The following SLC6A7 variants were observed in gnomAD, a reference collection of about 807,000 sequenced individuals.
The protein encoded by SLC6A7 is solute carrier family 6 member 7.
Under a neutral mutation model 73.1 loss-of-function variants are expected in SLC6A7, and 58 were observed. That is an observed-to-expected ratio of 0.79 (90% CI 0.64 to 0.99). The LOEUF (loss-of-function observed/expected upper bound fraction) is 0.99, where lower values mean the gene tolerates loss of function less well. SLC6A7 is among the 50% of genes least tolerant of loss of function. SLC6A7 has a pLI of 0.00. For missense variants in SLC6A7, 783 were observed against 831.4 expected (o/e 0.94, Z 0.72); for synonymous variants, 338 against 338.7 (o/e 1.00, Z 0.02).
Position 150,205,306 on chromosome 5 carries a change from G to A in SLC6A7, c.1534-150G>A. ...TAAACCCTCAAAGGCTCCAAAGATG[G>A]CCCACTTCAGGGTTCGGTACAGCTT... On this transcript the variant is annotated intron_variant, in intron 12 of 13. Transcript: ENST00000230671. The A allele has an allele frequency of 8.2e-6, 5 of 607,236 alleles. No homozygotes were observed. The East Asian group carries it at 1.2e-4, about 14-fold the overall frequency. The allele number at this position is 607,236 out of a possible 1,614,324, so 37.6% of individuals were successfully genotyped here. A position where few individuals can be genotyped will look rare whatever the true frequency, so the allele number is the denominator to read the frequency against.
At chr5:150,200,976 C>A in intron 5 of SLC6A7, 113 bp from the exon 6 acceptor site, 2 of 1,106,392 alleles carry the variant, frequency 1.8e-6, no homozygotes, top group Non-Finnish European at 1.3e-6. Flanking sequence ...AAGGCCGGTT[C>A]CTGGCTTGGG....
intron 5 of SLC6A7, among the ~76,000 whole-genome samples, chr5:150,200,755 G>A (rs1167094279): frequency 9.9e-5 from 15 of 152,176 alleles, no homozygotes; most frequent in Admixed American, 9.8e-4. Context: ...AAGAAGGAAA[G>A]AGGGAGGAGT....
At chr5:150,201,838 G>A (rs768052486) in intron 6 of SLC6A7, among the ~76,000 whole-genome samples, 14 of 152,148 alleles carry the variant, frequency 9.2e-5, no homozygotes, top group Non-Finnish European at 1.6e-4. Context: ...TTACATGCAT[G>A]TGTGTAGTGA....
rs1474371369 is a variant in SLC6A7, at chr5:150,201,194, C to G, written c.829C>G (p.Pro277Ala). The G allele has an allele frequency of 6.2e-7, 1 of 1,613,094 alleles. No individual in the cohort carries two copies. Among genetic ancestry groups the G allele is most frequent in the East Asian group, 2.2e-5 (1 of 44,804 alleles). The change falls in exon 6 of 14, where the codon CCC (proline) becomes GCC (alanine). Residue 277 changes from proline to alanine, a missense_variant. Transcript: ENST00000230671. ...GAAGGGCATCCAGTTCTATCTCACC[C>G]CCCAGTTCCACCACTTGTTGTCTTC... is the stretch of plus-strand genomic sequence containing the variant. ...AWKGIQFYLT[P>A]QFHHLLSSKV...
At chr5:150,204,392 GC>G in intron 10 of SLC6A7, 139 bp from the exon 11 acceptor site, 1 of 725,746 alleles carries the variant, frequency 1.4e-6, no homozygotes, top group East Asian at 2.5e-5. Flanking sequence ...GCCTAGAAGG[GC>G]TGGGCTGGCA....
intron 1 of SLC6A7, among the ~76,000 whole-genome samples, chr5:150,194,398 C>T (rs1241638088): frequency 1.3e-5 from 2 of 150,404 alleles, no homozygotes; most frequent in Admixed American, 6.6e-5. Flanking sequence ...CACTGCACTC[C>T]AGGCTGGGCA....
At chr5:150,203,809 CGTGTGTGTGTGGTGTGTGTGTGT>C in intron 9 of SLC6A7, 30 bp downstream of exon 9, 1 of 1,468,382 alleles carries the variant, frequency 6.8e-7, no homozygotes, top group Non-Finnish European at 9.4e-7. Flanking sequence ...GCAGGCACCC[CGTGTGTGTGTGGTGTGTGTGTGT>C]GTGTGTGTGT....
At chr5:150,206,956 G>C (rs376012673) in intron 13 of SLC6A7, among the ~76,000 whole-genome samples, 1 of 152,178 alleles carries the variant, frequency 6.6e-6, no homozygotes, top group Non-Finnish European at 1.5e-5. Flanking sequence ...GCATGTTTTG[G>C]GGGGCTCGAG....
Position 150,196,833 on chromosome 5 carries a change from GC to G in SLC6A7, c.338del (p.Pro113LeufsTer23). 1 of 1,614,046 alleles carries G rather than the reference GC, an allele frequency of 6.2e-7. No homozygotes were observed. Among genetic ancestry groups the G allele is most frequent in the Non-Finnish European group, 8.5e-7 (1 of 1,179,950 alleles). On this transcript the variant is annotated frameshift_variant, in exon 3 of 14. Transcript: ENST00000230671. LOFTEE classifies it high-confidence loss of function. ...SLGPLAVWKI[S>X]PLFKGAGAAM... is the part of the protein sequence containing the mutation. Reference sequence around the variant, plus strand: ...GGGCCCCTGGCTGTCTGGAAAATCAGCCCTCTCTTCAAAGGTGAGGCCTCAG... The same window carrying G: ...GGGCCCCTGGCTGTCTGGAAAATCAGCCTCTCTTCAAAGGTGAGGCCTCAG...
chr5:150,198,115 G>GAAAGAA (rs1224170798), intron 4 of SLC6A7, among the ~76,000 whole-genome samples: 3 of 77,532 alleles, frequency 3.9e-5, no homozygotes, highest in Non-Finnish European at 9.4e-5. Context: ...AAGAAAGAAA[G>GAAAGAA]AGAAAGAAAG....
At position 150,196,861 on chromosome 5, in the gene SLC6A7, G is replaced by T. The variant is rs781042769; in HGVS notation, c.349+14G>T. The T allele has an allele frequency of 1.1e-5, 18 of 1,612,082 alleles. No individual in the cohort carries two copies. The highest frequency in any genetic ancestry group is 2.7e-5 in the African/African-American group (2 of 74,888). On this transcript the variant is annotated intron_variant, in intron 3 of 13. Transcript: ENST00000230671. ...CTCTCTTCAAAGGTGAGGCCTCAGT[G>T]GTCCCCAGGGAGGGAAGGGCTCAGG...
chr5:150,191,359 ACACT>A (rs1405750832), intron 1 of SLC6A7, among the ~76,000 whole-genome samples: 3 of 152,074 alleles, frequency 2.0e-5, no homozygotes, highest in Non-Finnish European at 2.9e-5. Context: ...ACTCACACAC[ACACT>A]CATTCATTCA....
At chr5:150,195,239 G>T in intron 2 of SLC6A7, 1 of 240,272 alleles carries the variant, frequency 4.2e-6, no homozygotes, top group Non-Finnish European at 8.2e-6. Context: ...GCCTGCCGAT[G>T]ATCACTGCAC....
intron 4 of SLC6A7, among the ~76,000 whole-genome samples, chr5:150,198,111 GAAAGAGAAAGAA>G (rs1385367276): frequency 6.6e-5 from 6 of 90,262 alleles, no homozygotes; most frequent in Admixed American, 1.8e-4. Context: ...AAGAAAGAAA[GAAAGAGAAAGAA>G]AGAAAGAAAG....
intron 9 of SLC6A7, 37 bp downstream of exon 9, chr5:150,203,816 G>C: frequency 1.4e-6 from 2 of 1,460,842 alleles, no homozygotes; most frequent in Non-Finnish European, 1.9e-6. Context: ...CCCCGTGTGT[G>C]TGTGGTGTGT....
chr5:150,194,854 T>C lies in SLC6A7; in HGVS notation c.160T>C (p.Cys54Arg). The C allele has an allele frequency of 6.2e-7, 1 of 1,614,176 alleles. No homozygotes were observed. Among genetic ancestry groups the C allele is most frequent in the East Asian group, 2.2e-5 (1 of 44,876 alleles). The change falls in exon 2 of 14, where the codon TGT (cysteine) becomes CGT (arginine). Residue 54 changes from cysteine (C) to arginine (R), a missense_variant. Transcript: ENST00000230671. ...LDFLLSCIGYCVGLGNVWRFP... is the reference protein window; with the variant it reads ...LDFLLSCIGYRVGLGNVWRFP... ...CTTCCTGCTGTCCTGCATTGGCTACTGTGTAGGCCTGGGGAATGTCTGGCG... is the reference window on the plus strand; with the variant it reads ...CTTCCTGCTGTCCTGCATTGGCTACCGTGTAGGCCTGGGGAATGTCTGGCG...
At position 150,209,900 on chromosome 5, in the gene SLC6A7, G is replaced by A. The variant is rs1322364386; in HGVS notation, c.*285G>A. Reference sequence around the variant, plus strand: ...GACATATTAAGGCCAGGAGGGGAGGGACTTGCCCCAGGTCGCATGGCAGAG... The same window carrying A: ...GACATATTAAGGCCAGGAGGGGAGGAACTTGCCCCAGGTCGCATGGCAGAG... On this transcript the variant is annotated 3_prime_UTR_variant, in exon 14 of 14. Coordinates refer to ENST00000230671, the MANE Select transcript of SLC6A7 (RefSeq NM_014228.5). 2.2e-6 allele frequency: 1 copy of A among 453,682 alleles called. No individual in the cohort carries two copies. Among genetic ancestry groups the A allele is most frequent in the Non-Finnish European group, 4.1e-6 (1 of 246,164 alleles). The allele number at this position is 453,682 out of a possible 1,614,324, so 28.1% of individuals were successfully genotyped here.
chr5:150,206,663 A>G (rs1371821436), intron 13 of SLC6A7, among the ~76,000 whole-genome samples: 3 of 152,228 alleles, frequency 2.0e-5, no homozygotes, highest in Non-Finnish European at 4.4e-5. Context: ...GGCACCCTGG[A>G]GTCTAGCCTC....
intron 13 of SLC6A7, among the ~76,000 whole-genome samples, chr5:150,207,874 G>A (rs868095027): frequency 6.6e-6 from 1 of 152,058 alleles, no homozygotes. Flanking sequence ...TCTCACAGGG[G>A]GTGATTTTGC....
Sources: gnomAD v4.1 joint callset for allele counts (sites outside exome capture counted in the v4.1 genomes callset) on GRCh38, gnomAD v4.1.1 for gene constraint, MANE v1.5 for transcripts, NCBI Gene and HGNC (gene_info 2026-07-23, HGNC 2026-07-21) for gene names.